ADISSP: variants seen among roughly 807,000 people sequenced by gnomAD.
ADISSP encodes adipose secreted signaling protein.
At chr20:3,754,477 A>T in the ADISSP span, 1 of 1,613,934 alleles carries the variant, frequency 6.2e-7, no homozygotes, top group Non-Finnish European at 8.5e-7. Flanking sequence ...CTCTTTGAGG[A>T]CGCCCTCTTT....
the ADISSP span, chr20:3,753,961 CAG>C: frequency 1.5e-5 from 14 of 933,832 alleles, no homozygotes; most frequent in African/African-American, 1.1e-4. Flanking sequence ...ACACCCACCC[CAG>C]AGAGGGGCGA....
the ADISSP span, among the ~76,000 whole-genome samples, chr20:3,766,060 G>A: frequency 2.6e-5 from 4 of 152,138 alleles, no homozygotes; most frequent in African/African-American, 7.2e-5. Flanking sequence ...ATTGTGGTTC[G>A]AGGTCTTTCT....
the ADISSP span, among the ~76,000 whole-genome samples, chr20:3,760,716 G>A: frequency 1.3e-5 from 2 of 152,226 alleles, no homozygotes; most frequent in Non-Finnish European, 2.9e-5. Context: ...GATCGGTCAG[G>A]GCCATATGCA....
chr20:3,767,124 TC>T, the ADISSP span: 3 of 151,710 alleles, frequency 2.0e-5, no homozygotes, highest in African/African-American at 4.9e-5. Flanking sequence ...TAATCGGACA[TC>T]CCCCCCATCC....
the ADISSP span, chr20:3,754,451 A>T: frequency 1.2e-6 from 2 of 1,614,020 alleles, no homozygotes; most frequent in Non-Finnish European, 1.7e-6. Context: ...CCACCTTCGC[A>T]GGCTAGCAGT....
chr20:3,754,479 G>T, the ADISSP span: 1 of 1,613,796 alleles, frequency 6.2e-7, no homozygotes, highest in Non-Finnish European at 8.5e-7. Flanking sequence ...CTTTGAGGAC[G>T]CCCTCTTTGT....
At chr20:3,760,680 G>A in the ADISSP span, among the ~76,000 whole-genome samples, 1 of 152,178 alleles carries the variant, frequency 6.6e-6, no homozygotes, top group Non-Finnish European at 1.5e-5. Flanking sequence ...TAAAGTAAGC[G>A]TGCCCTTAGA....
At chr20:3,765,558 C>T in the ADISSP span, among the ~76,000 whole-genome samples, 1 of 152,226 alleles carries the variant, frequency 6.6e-6, no homozygotes, top group Non-Finnish European at 1.5e-5. Flanking sequence ...AAAGCAAACC[C>T]CCAAAGGCCT....
chr20:3,766,204 G>C, the ADISSP span, among the ~76,000 whole-genome samples: 1 of 152,206 alleles, frequency 6.6e-6, no homozygotes, highest in African/African-American at 2.4e-5. Flanking sequence ...GCTCACGCCT[G>C]TGAAAAGAAC....
At chr20:3,753,867 T>TGGGAGAGGA in the ADISSP span, 2 of 598,478 alleles carry the variant, frequency 3.3e-6, no homozygotes, top group Non-Finnish European at 6.0e-6. Flanking sequence ...GAGGAGGAAG[T>TGGGAGAGGA]GGGAGAGGAG....
chr20:3,757,703 A>G, the ADISSP span, among the ~76,000 whole-genome samples: 6 of 152,134 alleles, frequency 3.9e-5, no homozygotes, highest in Non-Finnish European at 7.4e-5. Context: ...ATCTCAGCTC[A>G]CTGCAACCTC....
the ADISSP span, among the ~76,000 whole-genome samples, chr20:3,757,852 C>T: frequency 6.6e-6 from 1 of 151,980 alleles, no homozygotes; most frequent in Non-Finnish European, 1.5e-5. Context: ...AAACCTGGGC[C>T]CCTTTTGAGC....
chr20:3,757,046 T>TAAATAAATAAATAAATA, the ADISSP span, among the ~76,000 whole-genome samples: 2 of 151,974 alleles, frequency 1.3e-5, no homozygotes, highest in African/African-American at 4.8e-5. Context: ...AATAAATAAA[T>TAAATAAATAAATAAATA]AACATTTTAA....
the ADISSP span, among the ~76,000 whole-genome samples, chr20:3,756,446 ACGCCAGCAGGCAAAGG>A: frequency 3.4e-4 from 8 of 23,728 alleles, no homozygotes; most frequent in African/African-American, 1.0e-3. Flanking sequence ...TGGGGGTGCC[ACGCCAGCAGGCAAAGG>A]GTGCCTGCTG....
chr20:3,754,106 G>A, the ADISSP span: 182 of 1,613,500 alleles, frequency 1.1e-4, no homozygotes, highest in Admixed American at 2.5e-3. Flanking sequence ...ATTCCAGCTC[G>A]GCGCCCACAC....
chr20:3,759,266 T>C, the ADISSP span, among the ~76,000 whole-genome samples: 1 of 152,118 alleles, frequency 6.6e-6, no homozygotes, highest in Non-Finnish European at 1.5e-5. This position sits in a 1 kb window ranked among gnomAD's most constrained non-coding sequence, Gnocchi z 4.6. Flanking sequence ...CACTGGCCCC[T>C]GGCAGCAAGA....
chr20:3,761,804 C>G, the ADISSP span, among the ~76,000 whole-genome samples: 1 of 152,124 alleles, frequency 6.6e-6, no homozygotes, highest in Non-Finnish European at 1.5e-5. Context: ...GGGATTCCTG[C>G]CAAAAAGGTT....
the ADISSP span, among the ~76,000 whole-genome samples, chr20:3,756,438 GGGGTGCC>G: frequency 6.6e-6 from 1 of 152,014 alleles, no homozygotes; most frequent in Non-Finnish European, 1.5e-5. Context: ...GGGGCTGGTG[GGGGTGCC>G]ACGCCAGCAG....
At chr20:3,759,198 G>A in the ADISSP span, among the ~76,000 whole-genome samples, 3 of 152,142 alleles carry the variant, frequency 2.0e-5, no homozygotes, top group African/African-American at 4.8e-5. The surrounding 1 kb of genome is among the most constrained non-coding windows in gnomAD (Gnocchi z 4.6). Flanking sequence ...GCAGAAACAG[G>A]GGGGATCAAA....
Sources: allele counts gnomAD v4.1 joint callset (sites outside exome capture counted in the v4.1 genomes callset), GRCh38; gene constraint gnomAD v4.1.1; non-coding constraint Gnocchi (gnomAD v3.1); transcripts MANE v1.5; gene names NCBI Gene and HGNC (gene_info 2026-07-23, HGNC 2026-07-21).